The following RBPJ variants were observed in gnomAD, a reference collection of about 807,000 sequenced individuals.
The protein encoded by RBPJ is recombining binding protein suppressor of hairless.
In RBPJ, 9 loss-of-function variants were observed where a neutral mutation model predicts 67.8. The observed-to-expected ratio is 0.13, with a 90% CI of 0.08 to 0.23. RBPJ has a LOEUF of 0.23. RBPJ is among the 10% of genes least tolerant of loss of function. The probability of loss-of-function intolerance (pLI) is 1.00; values close to 1 mark genes in which losing one functional copy is unlikely to be tolerated. For synonymous variants in RBPJ, 198 were observed against 203.3 expected, an observed-to-expected ratio of 0.97 and a Z score of 0.22; for missense variants, 305 against 595.6, an observed-to-expected ratio of 0.51 and a Z score of 5.08.
the RBPJ span, among the ~76,000 whole-genome samples, chr4:26,122,142 C>T: frequency 6.6e-6 from 1 of 151,994 alleles, no homozygotes; most frequent in South Asian, 2.1e-4. Context: ...TCTGGCCTTC[C>T]AGCAGCCATA....
intron 1 of RBPJ, among the ~76,000 whole-genome samples, chr4:26,296,953 G>A (rs1038861407): frequency 1.1e-4 from 16 of 152,096 alleles, no homozygotes; most frequent in Admixed American, 6.6e-5. Context: ...TGGTTAACCC[G>A]TGTTGCATAT....
rs1736482216 is a variant in RBPJ at position 26,434,256 on chromosome 4, G to GT, written c.*3256dup. The GT allele has an allele frequency of 2.0e-5, 3 of 152,138 alleles. No homozygotes were observed. Among genetic ancestry groups the GT allele is most frequent in the Admixed American group, 2.0e-4 (3 of 15,278 alleles). 9.4% of individuals were successfully genotyped at this position (152,138 alleles called of 1,614,324 possible). ...ACTTATCTGCAATCATAACTGGTTA[G>GT]TTTTTTTGTTTTGTTTTGTTTTATT... On this transcript the variant is annotated 3_prime_UTR_variant, in exon 11 of 11. Coordinates refer to ENST00000355476, the MANE Select transcript of RBPJ (RefSeq NM_015874.6).
chr4:26,328,195 G>A (rs1723853426), intron 1 of RBPJ, among the ~76,000 whole-genome samples: 1 of 151,698 alleles, frequency 6.6e-6, no homozygotes. Context: ...TACACCATTT[G>A]GAGTAAGCAG....
intron 3 of RBPJ, among the ~76,000 whole-genome samples, chr4:26,412,182 G>T (rs933800441): frequency 1.3e-5 from 2 of 151,498 alleles, no homozygotes; most frequent in African/African-American, 4.9e-5. Context: ...TTGGCATATA[G>T]GTTGCGCATT....
intron 1 of RBPJ, among the ~76,000 whole-genome samples, chr4:26,313,320 T>A (rs1235459439): frequency 6.6e-6 from 1 of 151,690 alleles, no homozygotes; most frequent in Non-Finnish European, 1.5e-5. Context: ...TCACCTGAGG[T>A]TGGGAGTTTG....
intron 1 of RBPJ, among the ~76,000 whole-genome samples, chr4:26,363,235 G>A (rs952730824): frequency 6.6e-6 from 1 of 152,048 alleles, no homozygotes; most frequent in African/African-American, 2.4e-5. Context: ...CACTTCCTGG[G>A]TTCAACCAAT....
intron 1 of RBPJ, among the ~76,000 whole-genome samples, chr4:26,191,692 G>A (rs1577455809): frequency 6.6e-6 from 1 of 152,174 alleles, no homozygotes; most frequent in South Asian, 2.1e-4. Context: ...ATAAAATGTG[G>A]TCTACCAGGG....
At chr4:26,110,369 T>C in the RBPJ span, among the ~76,000 whole-genome samples, 9,007 of 152,178 alleles carry the variant, frequency 0.059, 880 homozygotes, top group African/African-American at 0.21. This position sits in a 1 kb window ranked among gnomAD's most constrained non-coding sequence, Gnocchi z 4.5. Flanking sequence ...TGCAGACTCT[T>C]ACTCTCCTGT....
chr4:26,274,403 G>A (rs1721013130), intron 1 of RBPJ, among the ~76,000 whole-genome samples: 1 of 152,214 alleles, frequency 6.6e-6, no homozygotes, highest in African/African-American at 2.4e-5. Flanking sequence ...TGAGGCAGGA[G>A]GACTGCGTGA....
upstream of RBPJ, among the ~76,000 whole-genome samples, chr4:26,320,375 C>A (rs1175087903): frequency 6.6e-6 from 1 of 152,168 alleles, no homozygotes; most frequent in East Asian, 1.9e-4. Flanking sequence ...TCTGGAAGGG[C>A]CTCCTCATTA....
intron 1 of RBPJ, among the ~76,000 whole-genome samples, chr4:26,269,547 C>T (rs1022106897): frequency 6.6e-6 from 1 of 152,040 alleles, no homozygotes; most frequent in Non-Finnish European, 1.5e-5. Context: ...TGAGCCACCT[C>T]GCCAGGCGTC....
rs185950928 is a variant in RBPJ at position 26,212,000 on chromosome 4, G to A, written c.-167+48386G>A. On this transcript the variant is annotated intron_variant, in intron 1 of 4. Transcript: ENST00000512351. ...AAGGATCACCAAAGATTGCCAGCAA[G>A]CACAGAAGCCAGGGGAAGTGTGGGA... is the stretch of plus-strand genomic sequence containing the variant. Among the ~76,000 whole-genome samples the A allele has an allele frequency of 1.7e-4, 26 of 152,284 alleles. No homozygotes were observed. In the East Asian group the frequency reaches 2.7e-3, roughly 16 times the overall value.
At chr4:26,312,579 A>G (rs895944436) in intron 1 of RBPJ, among the ~76,000 whole-genome samples, 1 of 152,048 alleles carries the variant, frequency 6.6e-6, no homozygotes, top group Admixed American at 6.5e-5. Context: ...GCTTCCTCCT[A>G]TTCTTGTCTT....
the RBPJ span, among the ~76,000 whole-genome samples, chr4:26,143,373 C>G: frequency 9.2e-5 from 14 of 152,322 alleles, no homozygotes; most frequent in South Asian, 2.9e-3. Flanking sequence ...GCTCAAAACC[C>G]TCATCTCGCA....
the RBPJ span, among the ~76,000 whole-genome samples, chr4:26,133,779 C>T: frequency 3.3e-5 from 5 of 150,920 alleles, no homozygotes; most frequent in Non-Finnish European, 5.9e-5. Context: ...ACCAGGTGGT[C>T]CCTAGTGTCA....
chr4:26,272,948 C>T (rs747982634), intron 1 of RBPJ, among the ~76,000 whole-genome samples: 4 of 152,146 alleles, frequency 2.6e-5, no homozygotes, highest in African/African-American at 4.8e-5. Flanking sequence ...ACATTACAGA[C>T]GCTGGAATCC....
chr4:26,315,092 C>T (rs550587932), upstream of RBPJ, among the ~76,000 whole-genome samples: 11 of 128,796 alleles, frequency 8.5e-5, no homozygotes, highest in Middle Eastern at 6.5e-3. Flanking sequence ...TTGCAGAGCA[C>T]GGAGATCGTG....
At chr4:26,199,574 G>A (rs113455099) in intron 1 of RBPJ, among the ~76,000 whole-genome samples, 97 of 152,330 alleles carry the variant, frequency 6.4e-4, no homozygotes, top group African/African-American at 2.3e-3. Flanking sequence ...TGAGCCTGGA[G>A]TGGCTGGGGA....
chr4:26,244,656 C>T (rs1577353402), intron 1 of RBPJ, among the ~76,000 whole-genome samples: 1 of 152,020 alleles, frequency 6.6e-6, no homozygotes, highest in Admixed American at 6.6e-5. Flanking sequence ...AAGATGGAGT[C>T]TCGCTCTGTG....
Sources: allele counts gnomAD v4.1 joint callset (sites outside exome capture counted in the v4.1 genomes callset), GRCh38; gene constraint gnomAD v4.1.1; non-coding constraint Gnocchi (gnomAD v3.1); transcripts MANE v1.5; gene names NCBI Gene and HGNC (gene_info 2026-07-23, HGNC 2026-07-21).